KIF24: variants seen among roughly 807,000 people sequenced by gnomAD.
The protein encoded by KIF24 is kinesin-like protein KIF24.
Under a neutral mutation model 118.9 loss-of-function variants are expected in KIF24, and 81 were observed. That is an observed-to-expected ratio of 0.68 (90% CI 0.57 to 0.82). The LOEUF is 0.82. KIF24 is among the 40% of genes least tolerant of loss of function. The probability of loss-of-function intolerance (pLI) is 0.00; values close to 1 mark genes in which losing one functional copy is unlikely to be tolerated. For missense variants in KIF24, 1,560 were observed against 1,661.6 expected (o/e 0.94, Z 1.06); for synonymous variants, 599 against 610.0 (o/e 0.98, Z 0.27).
intron 9 of KIF24, 116 bp downstream of exon 9, chr9:34,262,985 A>G (rs1457917547): frequency 2.7e-5 from 20 of 739,726 alleles, no homozygotes; most frequent in Non-Finnish European, 4.6e-5. Context: ...TCTTTTCCCC[A>G]CTGTGCCCAG....
intron 1 of KIF24, among the ~76,000 whole-genome samples, chr9:34,321,139 T>C (rs920977515): frequency 6.6e-6 from 1 of 152,180 alleles, no homozygotes; most frequent in African/African-American, 2.4e-5. Context: ...CCAAACACAT[T>C]CTTATTCTGT....
chr9:34,254,196 C>T lies in KIF24; in HGVS notation c.*184G>A, dbSNP rs1834723609. On this transcript the variant is annotated 3_prime_UTR_variant, in exon 13 of 13. Coordinates refer to ENST00000402558, the MANE Select transcript of KIF24 (RefSeq NM_194313.4). ...TGTGCATGGAACTGAGGGACAGGGG[C>T]CTGTCCCTGAGGGAGAAGCTGGGAC... is the stretch of plus-strand genomic sequence containing the variant. 2 of 537,926 alleles carry T rather than the reference C, an allele frequency of 3.7e-6. No individual in the cohort carries two copies. Among genetic ancestry groups the T allele is most frequent in the East Asian group, 3.2e-5 (1 of 31,020 alleles). The allele number at this position is 537,926 out of a possible 1,614,324, so 33.3% of individuals were successfully genotyped here. A position where few individuals can be genotyped will look rare whatever the true frequency, so the allele number is the denominator to read the frequency against.
At chr9:34,320,844 C>A (rs1345366720) in intron 1 of KIF24, among the ~76,000 whole-genome samples, 2 of 151,994 alleles carry the variant, frequency 1.3e-5, no homozygotes, top group East Asian at 3.8e-4. Context: ...TTTACCTGTA[C>A]CCCAGGATTT....
intron 1 of KIF24, among the ~76,000 whole-genome samples, chr9:34,320,658 CAAAAAAAAA>C (rs68048466): frequency 1.8e-5 from 1 of 54,442 alleles, no homozygotes; most frequent in Non-Finnish European, 3.1e-5. Context: ...AACTCCTTCT[CAAAAAAAAA>C]AAAAAAAAAA....
intron 1 of KIF24, among the ~76,000 whole-genome samples, chr9:34,328,867 C>T (rs961028744): frequency 6.6e-6 from 1 of 152,128 alleles, no homozygotes; most frequent in Non-Finnish European, 1.5e-5. Flanking sequence ...AGTTTAGTCT[C>T]CCAAAGTGAG....
chr9:34,296,008 AG>A (rs200840767), intron 4 of KIF24, among the ~76,000 whole-genome samples: 67,480 of 147,350 alleles, frequency 0.46, 17,495 homozygotes, highest in Non-Finnish European at 0.61. Flanking sequence ...TCACGAGGTC[AG>A]GAGATCGAGA....
intron 1 of KIF24, chr9:34,319,479 A>C: frequency 7.8e-7 from 1 of 1,288,890 alleles, no homozygotes; most frequent in South Asian, 1.2e-5. Context: ...TGAGTTGGAC[A>C]CAGACGGCAA....
At chr9:34,266,588 G>C (rs1171691486) in intron 8 of KIF24, among the ~76,000 whole-genome samples, 1 of 150,932 alleles carries the variant, frequency 6.6e-6, no homozygotes, top group Non-Finnish European at 1.5e-5. Context: ...TGAGGCAGGA[G>C]AATCGCTTGA....
At chr9:34,331,369 A>G (rs1837931174), upstream of KIF24, among the ~76,000 whole-genome samples, 1 of 152,224 alleles carries the variant, frequency 6.6e-6, no homozygotes, top group Admixed American at 6.5e-5. Context: ...CACAACAACC[A>G]TGCAAAGTAG....
In KIF24 at chr9:34,290,395, G is replaced by T; in HGVS notation, c.912-6C>A. ...CAAAGCAAGTGGCATTGCCTCTGGG[G>T]AAAGGATAATTTGCATTACTTATGC... On this transcript the variant is annotated splice_region_variant and splice_polypyrimidine_tract_variant and intron_variant, in intron 4 of 12. Transcript: ENST00000402558. 6.3e-7 allele frequency: 1 copy of T among 1,587,484 alleles called. No homozygotes were observed. Among genetic ancestry groups the T allele is most frequent in the Non-Finnish European group, 8.6e-7 (1 of 1,158,050 alleles).
At chr9:34,259,303 C>T (rs964768795) in intron 10 of KIF24, among the ~76,000 whole-genome samples, 2 of 152,228 alleles carry the variant, frequency 1.3e-5, no homozygotes, top group African/African-American at 2.4e-5. Context: ...TTTCACTTCT[C>T]ACTAGCCATT....
intron 2 of KIF24, among the ~76,000 whole-genome samples, chr9:34,309,465 C>T (rs1013770724): frequency 7.6e-5 from 11 of 144,748 alleles, no homozygotes; most frequent in Admixed American, 1.5e-4. Flanking sequence ...GGCATGAACC[C>T]GGGAGGCGGA....
At chr9:34,327,637 T>A (rs549758007) in intron 1 of KIF24, among the ~76,000 whole-genome samples, 1 of 152,132 alleles carries the variant, frequency 6.6e-6, no homozygotes, top group African/African-American at 2.4e-5. Context: ...TTTGGAAGGC[T>A]GAGAGTGTGT....
chr9:34,261,513 T>A (rs548687986), intron 9 of KIF24, among the ~76,000 whole-genome samples: 11 of 152,246 alleles, frequency 7.2e-5, no homozygotes, highest in Non-Finnish European at 2.9e-5. Flanking sequence ...TTTTGTGTAG[T>A]GTTTTTTTCC....
At chr9:34,297,435 G>A (rs1193302406) in intron 3 of KIF24, among the ~76,000 whole-genome samples, 2 of 152,242 alleles carry the variant, frequency 1.3e-5, no homozygotes, top group Middle Eastern at 3.4e-3. Flanking sequence ...GATTATCCTC[G>A]TATTCCAACT....
chr9:34,266,440 A>C (rs902315118), intron 8 of KIF24, among the ~76,000 whole-genome samples: 5 of 152,146 alleles, frequency 3.3e-5, no homozygotes, highest in African/African-American at 1.2e-4. Context: ...GCACTTTGGA[A>C]GGCCGAAGCA....
intron 1 of KIF24, among the ~76,000 whole-genome samples, chr9:34,320,765 T>A (rs1159203518): frequency 6.6e-6 from 1 of 152,088 alleles, no homozygotes; most frequent in East Asian, 1.9e-4. Context: ...CTAAACTAAT[T>A]TTTCTCTTTC....
At chr9:34,267,738 A>G (rs910046730) in intron 8 of KIF24, among the ~76,000 whole-genome samples, 25 of 152,240 alleles carry the variant, frequency 1.6e-4, no homozygotes, top group Non-Finnish European at 3.7e-4. Context: ...TTTTACACTT[A>G]GAGCATATCT....
chr9:34,257,176 A>G lies in KIF24; in HGVS notation c.2431T>C (p.Tyr811His). Residue 811 changes from tyrosine (Y) to histidine (H), a missense_variant, in exon 11 of 13, where the codon TAC (tyrosine) becomes CAC (histidine). By Grantham distance (83) the Tyr-to-His change is moderately conservative. Coordinates refer to ENST00000402558, the MANE Select transcript of KIF24 (RefSeq NM_194313.4). The stretch of plus-strand genomic sequence containing the variant: ...TGGGCTCCATCATGGTTTTCAGAGT[A>G]AGAGTGGAACAGAGGCGGAGTCTCA... The part of the protein sequence containing the change: ...TNETPPLFHS[Y>H]SENHDGAQVE... 1 of 1,614,036 alleles carries G rather than the reference A, an allele frequency of 6.2e-7. No homozygotes were observed. Among genetic ancestry groups the G allele is most frequent in the Non-Finnish European group, 8.5e-7 (1 of 1,179,902 alleles).
Sources: gnomAD v4.1 joint callset for allele counts (sites outside exome capture counted in the v4.1 genomes callset) on GRCh38, gnomAD v4.1.1 for gene constraint, MANE v1.5 for transcripts, NCBI Gene and HGNC (gene_info 2026-07-23, HGNC 2026-07-21) for gene names.